Variants in DAP3 observed in about 807,000 individuals in gnomAD.
DAP3 encodes death associated protein 3.
DAP3 carries 28 observed loss-of-function variants against 51.9 expected under a neutral mutation model. That is an observed-to-expected ratio of 0.54 (90% confidence interval 0.40 to 0.74). The LOEUF is 0.74. DAP3 is among the 30% of genes least tolerant of loss of function. DAP3 has a pLI of 0.00. For missense variants in DAP3, 458 were observed against 483.5 expected (o/e 0.95, Z 0.49); for synonymous variants, 170 against 170.3 (o/e 1.00, Z 0.01).
chr1:155,734,975 A>G (rs1471393033), intron 11 of DAP3, among the ~76,000 whole-genome samples: 1 of 152,160 alleles, frequency 6.6e-6, no homozygotes, highest in East Asian at 1.9e-4. Flanking sequence ...CAGATTTGAT[A>G]GCTCTCAGGC....
intron 1 of DAP3, among the ~76,000 whole-genome samples, chr1:155,697,695 G>A (rs1268317748): frequency 2.0e-5 from 3 of 152,100 alleles, no homozygotes; most frequent in Admixed American, 2.0e-4. Context: ...TACTGATGAA[G>A]GTCCATGTCC....
intron 1 of DAP3, among the ~76,000 whole-genome samples, chr1:155,701,686 AT>A (rs1031595210): frequency 7.4e-6 from 1 of 135,440 alleles, no homozygotes; most frequent in Non-Finnish European, 1.5e-5. Flanking sequence ...AAAAAAATAA[AT>A]TAAAAAAAAA....
At chr1:155,700,024 C>T (rs1333159053) in intron 1 of DAP3, among the ~76,000 whole-genome samples, 1 of 152,164 alleles carries the variant, frequency 6.6e-6, no homozygotes, top group East Asian at 1.9e-4. Flanking sequence ...GCAGCCTCCA[C>T]CTCCTGGGTT....
At chr1:155,720,872 A>C (rs944751724) in intron 3 of DAP3, among the ~76,000 whole-genome samples, 5 of 152,048 alleles carry the variant, frequency 3.3e-5, no homozygotes, top group African/African-American at 4.8e-5. Flanking sequence ...TCCCATCTCT[A>C]CTAAAAATAC....
intron 1 of DAP3, among the ~76,000 whole-genome samples, chr1:155,703,570 C>A (rs1042916868): frequency 6.6e-6 from 1 of 152,190 alleles, no homozygotes; most frequent in African/African-American, 2.4e-5. Flanking sequence ...CAGGGTCTTG[C>A]TCTGTCGCCC....
At chr1:155,708,038 A>G (rs573819963) in intron 1 of DAP3, among the ~76,000 whole-genome samples, 1 of 151,784 alleles carries the variant, frequency 6.6e-6, no homozygotes, top group Non-Finnish European at 1.5e-5. Context: ...GTGTACATGT[A>G]GAAGTTTTGG....
At chr1:155,701,225 G>A in intron 1 of DAP3, among the ~76,000 whole-genome samples, 1 of 87,978 alleles carries the variant, frequency 1.1e-5, no homozygotes, top group African/African-American at 7.8e-5. Flanking sequence ...TGGCGGCTTT[G>A]TGGAATAGAA....
At chr1:155,727,563 A>G (rs757793079) in intron 6 of DAP3, 45 bp from the exon 7 acceptor site, 4 of 1,595,956 alleles carry the variant, frequency 2.5e-6, no homozygotes, top group Admixed American at 1.8e-5. Context: ...CGAGTTGAAT[A>G]CAGTTTCTGC....
chr1:155,736,697 G>A (rs771292339), intron 11 of DAP3: 16 of 457,874 alleles, frequency 3.5e-5, no homozygotes, highest in Admixed American at 7.2e-5. Flanking sequence ...GATTACAGGT[G>A]TGAGTCACTG....
chr1:155,735,317 TATA>T (rs1436734671), intron 11 of DAP3, among the ~76,000 whole-genome samples: 2 of 151,980 alleles, frequency 1.3e-5, no homozygotes, highest in Admixed American at 1.3e-4. Context: ...GGCTCACGCC[TATA>T]ATCCCTGCAC....
chr1:155,710,811 C>A (rs2686263), intron 2 of DAP3, among the ~76,000 whole-genome samples: 20 of 152,264 alleles, frequency 1.3e-4, no homozygotes, highest in South Asian at 6.2e-4. Context: ...TGTGGCCTAA[C>A]CACTGTGCTC....
chr1:155,729,460 T>G, intron 9 of DAP3, 94 bp downstream of exon 9: 6 of 1,462,352 alleles, frequency 4.1e-6, no homozygotes, highest in Non-Finnish European at 5.6e-6. Context: ...TGCAATATGT[T>G]TTCTTGCCCT....
At chr1:155,701,407 G>A (rs1655261759) in intron 1 of DAP3, among the ~76,000 whole-genome samples, 1 of 110,450 alleles carries the variant, frequency 9.1e-6, no homozygotes. Flanking sequence ...TGAAACATGT[G>A]CTGTGTCCAC....
intron 1 of DAP3, among the ~76,000 whole-genome samples, chr1:155,701,864 A>G (rs1337706315): frequency 6.6e-6 from 1 of 151,260 alleles, no homozygotes; most frequent in African/African-American, 2.4e-5. Context: ...CCAACTTTCA[A>G]AAAGAATAAT....
At chr1:155,718,610 C>G (rs1353221198) in intron 3 of DAP3, among the ~76,000 whole-genome samples, 1 of 151,502 alleles carries the variant, frequency 6.6e-6, no homozygotes, top group East Asian at 1.9e-4. Flanking sequence ...TGGTATGAAC[C>G]TGGAGGTGGA....
intron 1 of DAP3, among the ~76,000 whole-genome samples, chr1:155,707,620 T>G (rs929843886): frequency 4.6e-5 from 7 of 152,188 alleles, no homozygotes; most frequent in Non-Finnish European, 1.0e-4. Flanking sequence ...TAAATTCTCA[T>G]GTATCCATTA....
At chr1:155,711,015 T>C (rs1656626781) in intron 2 of DAP3, among the ~76,000 whole-genome samples, 1 of 152,070 alleles carries the variant, frequency 6.6e-6, no homozygotes, top group Non-Finnish European at 1.5e-5. Flanking sequence ...ATTATTTAAT[T>C]ACAGATTAGA....
chr1:155,723,956 T>C (rs1177016971), intron 4 of DAP3, among the ~76,000 whole-genome samples: 2 of 151,808 alleles, frequency 1.3e-5, no homozygotes, highest in Non-Finnish European at 2.9e-5. Context: ...GGAGAATCGC[T>C]TGAACCCGGG....
intron 2 of DAP3, among the ~76,000 whole-genome samples, chr1:155,710,853 G>C (rs529970650): frequency 2.0e-5 from 3 of 152,158 alleles, no homozygotes; most frequent in Non-Finnish European, 4.4e-5. Context: ...TTCTCCAGAA[G>C]CTTACAGTCC....
Sources: gnomAD v4.1 joint callset for allele counts (sites outside exome capture counted in the v4.1 genomes callset) on GRCh38, gnomAD v4.1.1 for gene constraint, MANE v1.5 for transcripts, NCBI Gene and HGNC (gene_info 2026-07-23, HGNC 2026-07-21) for gene names.